USP39: variants seen among roughly 807,000 people sequenced by gnomAD.
USP39 encodes ubiquitin carboxyl-terminal hydrolase 39.
A neutral mutation model predicts 66.4 loss-of-function variants in USP39; 38 were observed. The ratio of observed to expected loss-of-function variants is 0.57; its 90% CI spans 0.44 to 0.75. The LOEUF (loss-of-function observed/expected upper bound fraction) is 0.75. USP39 is among the 30% of genes least tolerant of loss of function. The pLI, the probability that USP39 is intolerant of heterozygous loss-of-function variation, is 0.00. For synonymous variants in USP39, 303 were observed against 274.6 expected (o/e 1.10, Z -1.02); for missense variants, 608 against 714.4 (o/e 0.85, Z 1.70).
intron 2 of USP39, among the ~76,000 whole-genome samples, chr2:85,619,510 A>G (rs1317880578): frequency 6.6e-6 from 1 of 151,118 alleles, no homozygotes; most frequent in African/African-American, 2.4e-5. Context: ...GGATAACAGG[A>G]TGCATAGTAT....
upstream of USP39, chr2:85,611,727 G>T (rs1673545088): frequency 6.2e-7 from 1 of 1,605,582 alleles, no homozygotes; most frequent in Non-Finnish European, 8.5e-7. Context: ...CGGCGCGGGC[G>T]TGTGCCGCCT....
At chr2:85,612,409 T>C (rs1372652116), upstream of USP39, 2 of 1,503,874 alleles carry the variant, frequency 1.3e-6, no homozygotes, top group Non-Finnish European at 1.8e-6. Flanking sequence ...TTTGGCTGAC[T>C]GTGTAACGCT....
intron 3 of USP39, among the ~76,000 whole-genome samples, chr2:85,622,042 A>G (rs543304405): frequency 1.4e-4 from 21 of 150,416 alleles, no homozygotes; most frequent in Middle Eastern, 3.4e-3. Flanking sequence ...TTGGTCTTGA[A>G]CTCCTGGCCG....
At chr2:85,609,185 G>A, upstream of USP39, 1 of 1,412,024 alleles carries the variant, frequency 7.1e-7, no homozygotes, top group South Asian at 1.3e-5. Context: ...GCCAGCACCT[G>A]TCATTTCCTA....
rs139443519 is a variant in USP39, at chr2:85,616,525, T to C, written c.268+62T>C. ...GTTTTTTTCGCGTCCTTTTTTCTTG[T>C]CTCTAATCTTCCGCTAGGTCACTGC... On this transcript the variant is annotated intron_variant, in intron 1 of 12. Coordinates refer to ENST00000323701, the MANE Select transcript of USP39 (RefSeq NM_006590.4). 2,926 of 1,133,376 alleles carry C rather than the reference T, an allele frequency of 2.6e-3. 68 individuals carry two copies. In the African/African-American group the frequency reaches 0.045, roughly 18 times the overall value. 70.2% of individuals were successfully genotyped at this position (1,133,376 alleles called of 1,614,324 possible).
intron 6 of USP39, among the ~76,000 whole-genome samples, chr2:85,633,503 C>T (rs7579847): frequency 6.6e-6 from 1 of 152,102 alleles, no homozygotes; most frequent in Admixed American, 6.6e-5. Flanking sequence ...GGCATGGTCA[C>T]TCAAACCTGT....
intron 3 of USP39, 60 bp downstream of exon 3, chr2:85,621,639 T>C: frequency 1.2e-6 from 1 of 803,382 alleles, no homozygotes. Flanking sequence ...TTTTTTTTTT[T>C]AAAGAAAGTA....
Position 85,623,197 on chromosome 2 carries a change from G to A in USP39, c.434-449G>A, listed in dbSNP as rs1037937881. On this transcript the variant is annotated intron_variant, in intron 3 of 12. Transcript: ENST00000323701. ...AGATAAAGCATTGTCCTGAATATGG[G>A]CATTTGGAAATCCAGGACTGAGTGA... 2.0e-5 allele frequency among the ~76,000 whole-genome samples: 3 copies of A among 152,112 alleles called. No individual in the cohort carries two copies. In the East Asian group the frequency reaches 5.8e-4, roughly 29 times the overall value.
intron 1 of USP39, 75 bp downstream of exon 1, chr2:85,616,538 G>C (rs1231227981): frequency 2.4e-5 from 29 of 1,211,014 alleles, no homozygotes; most frequent in African/African-American, 3.3e-5. Flanking sequence ...CTAATCTTCC[G>C]CTAGGTCACT....
chr2:85,616,193 G>C lies in USP39; in HGVS notation c.-3G>C. The C allele has an allele frequency of 6.9e-7, 1 of 1,441,694 alleles. No homozygotes were observed. Among genetic ancestry groups the C allele is most frequent in the Admixed American group, 2.7e-5 (1 of 36,412 alleles). 89.3% of individuals were successfully genotyped at this position (1,441,694 alleles called of 1,614,324 possible). ...GCGCTGGACGACTCGGCCGGTAGTG[G>C]AGATGTCCGGCCGGTCTAAGCGGGA... On this transcript the variant is annotated 5_prime_UTR_variant, in exon 1 of 13. Coordinates refer to ENST00000323701, the MANE Select transcript of USP39 (RefSeq NM_006590.4).
At chr2:85,609,464 C>T (rs1439739696), upstream of USP39, 9 of 1,614,230 alleles carry the variant, frequency 5.6e-6, no homozygotes, top group Non-Finnish European at 7.6e-6. Context: ...GTGACCTCTC[C>T]ACTGTCTGCC....
intron 1 of USP39, among the ~76,000 whole-genome samples, chr2:85,605,833 A>G (rs1297452399): frequency 6.6e-6 from 1 of 152,214 alleles, no homozygotes; most frequent in Non-Finnish European, 1.5e-5. Flanking sequence ...AGAGTGCACC[A>G]TGGAGATGGA....
chr2:85,632,931 G>A lies in USP39; in HGVS notation c.949+1985G>A, dbSNP rs376478446. Among the ~76,000 whole-genome samples the A allele has an allele frequency of 3.0e-4, 45 of 152,158 alleles. 1 individual carries two copies. In the South Asian group the frequency reaches 7.9e-3, roughly 27 times the overall value. On this transcript the variant is annotated intron_variant, in intron 6 of 12. Coordinates refer to ENST00000323701, the MANE Select transcript of USP39 (RefSeq NM_006590.4). ...TTGGGATGGGGAGTAGGCATTCTAGGTAGAGAGGACATGGTGGGCAGAAGA... is the reference window on the plus strand; with the variant it reads ...TTGGGATGGGGAGTAGGCATTCTAGATAGAGAGGACATGGTGGGCAGAAGA...
rs1450479837 is a variant in USP39, at chr2:85,641,072, A to T, written c.1381A>T (p.Asn461Tyr). The change falls in exon 10 of 13, where the codon AAC becomes TAC. Residue 461 changes from asparagine to tyrosine, a missense_variant. Around this residue, in one of 6 missense-constraint regions of USP39, gnomAD observed 164 missense variants for 250.3 expected, o/e 0.66. Coordinates refer to ENST00000323701, the MANE Select transcript of USP39 (RefSeq NM_006590.4). ...TTGTATCAAGAGATTCACTAAGAAC[A>T]ACTTCTTTGTTGAGAAGAATCCAAC... The part of the protein sequence containing the change: ...IFCIKRFTKN[N>Y]FFVEKNPTIV... 2 of 1,613,664 alleles carry T rather than the reference A, an allele frequency of 1.2e-6. No homozygotes were observed. The highest frequency in any genetic ancestry group is 1.7e-6 in the Non-Finnish European group (2 of 1,179,924).
chr2:85,648,136 T>C (rs1676788435), intron 12 of USP39, 120 bp downstream of exon 12: 7 of 974,520 alleles, frequency 7.2e-6, no homozygotes, highest in Admixed American at 2.1e-5. Flanking sequence ...CAGGTACCTA[T>C]TGGGAAGTAC....
upstream of USP39, chr2:85,612,161 C>CGGGTGGAGTA: frequency 1.1e-6 from 1 of 888,734 alleles, no homozygotes; most frequent in Non-Finnish European, 1.7e-6. Context: ...CTGGTCGGGT[C>CGGGTGGAGTA]GGGTGGAGTA....
intron 11 of USP39, 94 bp from the exon 12 acceptor site, chr2:85,647,836 C>T: frequency 1.5e-5 from 17 of 1,114,958 alleles, no homozygotes. Context: ...AGTGGCTGTT[C>T]TTCTAATTTT....
chr2:85,611,755 C>T, upstream of USP39: 4 of 1,611,902 alleles, frequency 2.5e-6, no homozygotes, highest in Non-Finnish European at 3.4e-6. Flanking sequence ...TTCTCCTTGG[C>T]CGCCTGCTTC....
At chr2:85,608,780 G>T, upstream of USP39, 23 of 441,884 alleles carry the variant, frequency 5.2e-5, no homozygotes, top group East Asian at 2.7e-4. Flanking sequence ...AAGAAAGAAT[G>T]ACTGCAAGGC....
Sources: gnomAD v4.1 joint callset for allele counts (sites outside exome capture counted in the v4.1 genomes callset) on GRCh38, gnomAD v4.1.1 for gene constraint, gnomAD v4.1.1 regional missense constraint, MANE v1.5 for transcripts, NCBI Gene and HGNC (gene_info 2026-07-23, HGNC 2026-07-21) for gene names.